SOX5: variants seen among roughly 807,000 people sequenced by gnomAD.
SOX5 encodes the protein SRY-box transcription factor 5.
SOX5 carries 9 observed loss-of-function variants against 92.0 expected under a neutral mutation model. The observed-to-expected ratio is 0.10, with a 90% confidence interval of 0.06 to 0.17. SOX5 has a LOEUF of 0.17. Among genes scored for constraint, SOX5 ranks in the 10% least tolerant of loss-of-function variants. SOX5 has a pLI of 1.00. For missense variants in SOX5, 642 were observed against 944.5 expected (o/e 0.68, Z 4.20); for synonymous variants, 344 against 336.3 (o/e 1.02, Z -0.25).
At chr12:24,226,582 T>C (rs1962041474) in intron 3 of SOX5, among the ~76,000 whole-genome samples, 2 of 152,146 alleles carry the variant, frequency 1.3e-5, no homozygotes, top group African/African-American at 4.8e-5. Context: ...GCAATTCTCC[T>C]GCCTCAACCT....
intron 4 of SOX5, among the ~76,000 whole-genome samples, chr12:24,207,224 C>T (rs577472442): frequency 3.3e-5 from 5 of 152,282 alleles, no homozygotes; most frequent in East Asian, 1.9e-4. Context: ...AGGCAACATT[C>T]GCCATCACTT....
chr12:24,410,724 A>C (rs1252019774), intron 1 of SOX5, among the ~76,000 whole-genome samples: 1 of 152,172 alleles, frequency 6.6e-6, no homozygotes, highest in African/African-American at 2.4e-5. Context: ...TTACATAATA[A>C]ATTCTGGAAC....
chr12:23,629,875 AAGATT>A (rs1231612761), intron 8 of SOX5, among the ~76,000 whole-genome samples: 10 of 151,996 alleles, frequency 6.6e-5, no homozygotes, highest in African/African-American at 2.4e-4. Context: ...TGAATAAATA[AAGATT>A]CCAGGATACT....
At position 24,053,274 on chromosome 12, in the gene SOX5, CCCA is replaced by C. The variant is rs892687647; in HGVS notation, c.-1-157253_-1-157251del. On this transcript the variant is annotated intron_variant, in intron 4 of 4. Transcript: ENST00000446891. ...TCCCGAGTAGCTGGGATTACAGGGG[CCCA>C]CCACCACACTTGGCCAATTTTTTTA... Among the ~76,000 whole-genome samples, 4 of 150,386 alleles carry C rather than the reference CCCA, an allele frequency of 2.7e-5. 1 individual carries two copies. The highest frequency in any genetic ancestry group is 1.5e-5 in the Non-Finnish European group (1 of 67,688).
chr12:24,500,592 C>T (rs1948095601), intron 1 of SOX5, among the ~76,000 whole-genome samples: 2 of 152,154 alleles, frequency 1.3e-5, no homozygotes, highest in Admixed American at 6.5e-5. Flanking sequence ...ACTTCTCCCC[C>T]TTCCTTTCAT....
chr12:24,298,019 G>C (rs1320936615), intron 2 of SOX5, among the ~76,000 whole-genome samples: 1 of 151,840 alleles, frequency 6.6e-6, no homozygotes, highest in Non-Finnish European at 1.5e-5. Context: ...TTTTCAAAGT[G>C]ACAATTTCTC....
intron 1 of SOX5, among the ~76,000 whole-genome samples, chr12:24,527,994 A>G (rs1950858117): frequency 6.6e-6 from 1 of 152,264 alleles, no homozygotes; most frequent in South Asian, 2.1e-4. Flanking sequence ...GGCTGACACT[A>G]GCAAAACATT....
rs148320744 is a variant in SOX5, at chr12:24,187,972, G to A, written c.-2+25371C>T. On this transcript the variant is annotated intron_variant, in intron 4 of 4. Coordinates refer to the SOX5 transcript ENST00000446891. ...ATCTTTACTACAGCAAAAGGGATAT[G>A]TAACTTCTGCTGTTCTTATAGATTT... Among the ~76,000 whole-genome samples the A allele has an allele frequency of 2.3e-3, 357 of 152,274 alleles. 1 individual carries two copies. The highest frequency in any genetic ancestry group is 3.0e-3 in the Non-Finnish European group (203 of 68,006).
In SOX5 at chr12:23,756,875, G is replaced by A. The variant is rs75727727; in HGVS notation, c.482-1151C>T. Reference sequence around the variant, plus strand: ...TAGAAACTGGTTAATTTTCCCCACAGTAAGATGCATTTTAGAGAGTTTTCA... The same window carrying A: ...TAGAAACTGGTTAATTTTCCCCACAATAAGATGCATTTTAGAGAGTTTTCA... On this transcript the variant is annotated intron_variant, in intron 3 of 14. Coordinates refer to ENST00000451604, the MANE Select transcript of SOX5 (RefSeq NM_006940.6). Among the ~76,000 whole-genome samples, 1,107 of 151,966 alleles carry A rather than the reference G, an allele frequency of 7.3e-3. 19 individuals carry two copies. The highest frequency in any genetic ancestry group is 0.025 in the African/African-American group (1,023 of 41,508).
At chr12:24,051,413 G>A (rs1957556021) in intron 4 of SOX5, among the ~76,000 whole-genome samples, 1 of 151,950 alleles carries the variant, frequency 6.6e-6, no homozygotes, top group Admixed American at 6.6e-5. Flanking sequence ...TATATCAAGT[G>A]CACTTAAAAA....
intron 1 of SOX5, among the ~76,000 whole-genome samples, chr12:24,385,543 TC>T (rs1425714115): frequency 6.6e-6 from 1 of 152,136 alleles, no homozygotes. Context: ...GTTAGCAACA[TC>T]CCTGCACATG....
At chr12:23,634,524 T>A (rs1189741642) in intron 8 of SOX5, among the ~76,000 whole-genome samples, 3 of 152,060 alleles carry the variant, frequency 2.0e-5, no homozygotes, top group Non-Finnish European at 4.4e-5. Flanking sequence ...GGAGTATGCC[T>A]TGGTAAGATA....
At chr12:24,213,419 T>TAAAAAAAAAAAAAAAAAAA (rs67296842) in intron 3 of SOX5, 2 of 96,862 alleles carry the variant, frequency 2.1e-5, no homozygotes, top group African/African-American at 4.0e-5. Context: ...CTTGAAATGC[T>TAAAAAAAAAAAAAAAAAAA]AAAAAAAAAA....
chr12:24,383,296 T>A (rs1435607774), intron 1 of SOX5, among the ~76,000 whole-genome samples: 1 of 152,254 alleles, frequency 6.6e-6, no homozygotes, highest in African/African-American at 2.4e-5. Flanking sequence ...CAACTACCTT[T>A]ATGTAACGAT....
At chr12:24,448,156 C>G (rs1941763920) in intron 1 of SOX5, among the ~76,000 whole-genome samples, 1 of 152,122 alleles carries the variant, frequency 6.6e-6, no homozygotes, top group South Asian at 2.1e-4. Context: ...GAATGAGACT[C>G]TGTCTCAAAA....
intron 3 of SOX5, among the ~76,000 whole-genome samples, chr12:23,807,810 G>A (rs542479163): frequency 6.6e-6 from 1 of 151,944 alleles, no homozygotes; most frequent in East Asian, 1.9e-4. Flanking sequence ...ACCATGCCCG[G>A]CTAATTTTTG....
upstream of SOX5, among the ~76,000 whole-genome samples, chr12:23,951,245 C>T (rs1945584768): frequency 6.6e-6 from 1 of 151,932 alleles, no homozygotes; most frequent in South Asian, 2.1e-4. Flanking sequence ...TCTGTACAGC[C>T]AATGTCCAGG....
intron 1 of SOX5, among the ~76,000 whole-genome samples, chr12:24,508,232 C>G (rs775689904): frequency 3.3e-5 from 5 of 151,932 alleles, no homozygotes; most frequent in Non-Finnish European, 7.4e-5. Context: ...TTCAGGAAGA[C>G]AGTGGAAAGG....
intron 9 of SOX5, among the ~76,000 whole-genome samples, chr12:23,595,557 T>A (rs1952257789): frequency 1.4e-5 from 2 of 143,774 alleles, no homozygotes; most frequent in Admixed American, 1.5e-4. Flanking sequence ...AGGCGGAGCT[T>A]GCAGTGAGCC....
Sources: gnomAD v4.1 joint callset for allele counts (sites outside exome capture counted in the v4.1 genomes callset) on GRCh38, gnomAD v4.1.1 for gene constraint, MANE v1.5 for transcripts, NCBI Gene and HGNC (gene_info 2026-07-23, HGNC 2026-07-21) for gene names.